ANKRD50: variants seen among roughly 807,000 people sequenced by gnomAD.
The protein encoded by ANKRD50 is ankyrin repeat domain-containing protein 50.
In ANKRD50, 40 loss-of-function variants were observed where a neutral mutation model predicts 112.0. The ratio of observed to expected loss-of-function variants is 0.36; its 90% CI spans 0.28 to 0.46. The LOEUF (loss-of-function observed/expected upper bound fraction) is 0.46, where lower values mean the gene tolerates loss of function less well. ANKRD50 is among the 20% of genes least tolerant of loss of function. The pLI is 1.00. For missense variants in ANKRD50, 1,487 were observed against 1,701.7 expected (o/e 0.87, Z 2.22); for synonymous variants, 613 against 619.1 (o/e 0.99, Z 0.15).
Position 124,672,540 on chromosome 4 carries a change from GA to G in ANKRD50, c.743-7del. 6.4e-7 allele frequency: 1 copy of G among 1,558,136 alleles called. No individual in the cohort carries two copies. The highest frequency in any genetic ancestry group is 8.7e-7 in the Non-Finnish European group (1 of 1,153,644). ...TAAACTTATTTTTCGAAAACCTAAA[GA>G]AGAGATAAAAAAGTAGATGTAATCA... is the stretch of plus-strand genomic sequence containing the variant. On this transcript the variant is annotated splice_region_variant and splice_polypyrimidine_tract_variant and intron_variant, in intron 3 of 4. Coordinates refer to ENST00000504087, the MANE Select transcript of ANKRD50 (RefSeq NM_020337.3).
chr4:124,682,313 A>G (rs903278472), intron 2 of ANKRD50, among the ~76,000 whole-genome samples: 2 of 127,296 alleles, frequency 1.6e-5, no homozygotes, highest in African/African-American at 6.3e-5. Context: ...ACAGAGCAAG[A>G]CTCCGTCTCA....
Position 124,665,476 on chromosome 4 carries a change from T to A in ANKRD50, c.*2042A>T, listed in dbSNP as rs1730465796. On this transcript the variant is annotated 3_prime_UTR_variant, in exon 5 of 5. Coordinates refer to ENST00000504087, the MANE Select transcript of ANKRD50 (RefSeq NM_020337.3). ...AATAATTCAAAGTTAATAGAAAAAC[T>A]GGCAGCTTTCAGGGTTCTCTTTCTA... is the stretch of plus-strand genomic sequence containing the variant. 1.3e-5 allele frequency: 2 copies of A among 152,272 alleles called. No homozygotes were observed. The highest frequency in any genetic ancestry group is 2.9e-5 in the Non-Finnish European group (2 of 67,892). The allele number at this position is 152,272 out of a possible 1,614,324, so 9.4% of individuals were successfully genotyped here.
At chr4:124,701,089 G>T (rs758081501) in intron 2 of ANKRD50, among the ~76,000 whole-genome samples, 4 of 152,040 alleles carry the variant, frequency 2.6e-5, no homozygotes, top group Non-Finnish European at 4.4e-5. Flanking sequence ...TCAGCCTCCC[G>T]AGTAGGTAGG....
Position 124,669,144 on chromosome 4 carries a change from C to T in ANKRD50, c.4133G>A (p.Arg1378Lys), listed in dbSNP as rs1485258182. The T allele has an allele frequency of 6.2e-7, 1 of 1,613,506 alleles. No homozygotes were observed. The highest frequency in any genetic ancestry group is 1.3e-5 in the African/African-American group (1 of 74,838). Reference sequence around the variant, plus strand: ...TTGCATTGTTCGTGGGACTGAAACCCTACCAAGAAAAACCTGGTTGCTCTG... The same window carrying T: ...TTGCATTGTTCGTGGGACTGAAACCTTACCAAGAAAAACCTGGTTGCTCTG... ...HLQSNQVFLGRVSVPRTMQDR... is the reference protein window; with the variant it reads ...HLQSNQVFLGKVSVPRTMQDR... The change falls in exon 4 of 5, where the codon AGG becomes AAG. Residue 1378 changes from arginine to lysine, a missense_variant. Around this residue, in one of 2 missense-constraint regions of ANKRD50, gnomAD observed 441 missense variants for 432.2 expected, o/e 1.02. Transcript: ENST00000504087.
rs1292820176 is a variant in ANKRD50, at chr4:124,669,634, T to C, written c.3643A>G (p.Thr1215Ala). Reference sequence around the variant, plus strand: ...AATGAATGCTGCTGAATTTGTTCTGTAAATGACAAGTTATGAAAGCTATCA... The same window carrying C: ...AATGAATGCTGCTGAATTTGTTCTGCAAATGACAAGTTATGAAAGCTATCA... ...PIDSFHNLSF[T>A]EQIQQHSLPR... Residue 1215 changes from threonine to alanine, a missense_variant, in exon 4 of 5, where the codon ACA (threonine) becomes GCA (alanine). Transcript: ENST00000504087. The C allele has an allele frequency of 6.2e-7, 1 of 1,613,488 alleles. No homozygotes were observed. The highest frequency in any genetic ancestry group is 8.5e-7 in the Non-Finnish European group (1 of 1,179,784).
chr4:124,680,536 G>C (rs537886332), intron 2 of ANKRD50, among the ~76,000 whole-genome samples: 14 of 152,222 alleles, frequency 9.2e-5, no homozygotes, highest in African/African-American at 3.4e-4. Flanking sequence ...ATCCTGGCAA[G>C]GAACATGCTG....
intron 3 of ANKRD50, among the ~76,000 whole-genome samples, chr4:124,675,312 A>T (rs539083063): frequency 6.6e-6 from 1 of 151,948 alleles, no homozygotes; most frequent in Admixed American, 6.6e-5. Flanking sequence ...GACCTGTGCC[A>T]ATATTTATAA....
intron 1 of ANKRD50, among the ~76,000 whole-genome samples, chr4:124,711,830 T>C (rs2110532661): frequency 6.6e-6 from 1 of 151,254 alleles, no homozygotes; most frequent in South Asian, 2.1e-4. Flanking sequence ...ACAAGTAAAA[T>C]GTGAATCCTT....
At chr4:124,694,979 T>C (rs1233198143) in intron 2 of ANKRD50, among the ~76,000 whole-genome samples, 1 of 152,128 alleles carries the variant, frequency 6.6e-6, no homozygotes, top group African/African-American at 2.4e-5. Context: ...AATTAATTTA[T>C]AAAACTGCCA....
At chr4:124,703,681 T>TC (rs1725444292) in intron 2 of ANKRD50, among the ~76,000 whole-genome samples, 2 of 151,790 alleles carry the variant, frequency 1.3e-5, no homozygotes, top group African/African-American at 4.8e-5. Flanking sequence ...TTTTTTTTTT[T>TC]CAAGAAAAAG....
At chr4:124,691,074 G>C (rs1213710499) in intron 2 of ANKRD50, among the ~76,000 whole-genome samples, 1 of 152,126 alleles carries the variant, frequency 6.6e-6, no homozygotes, top group East Asian at 1.9e-4. Context: ...GAAAGGACAA[G>C]GATAGAAAGA....
chr4:124,676,034 A>G (rs1259450873), intron 3 of ANKRD50, among the ~76,000 whole-genome samples: 2 of 151,798 alleles, frequency 1.3e-5, no homozygotes, highest in South Asian at 2.1e-4. Flanking sequence ...GGCTATGATG[A>G]TACACGTGCA....
At chr4:124,676,887 A>G (rs866385679) in intron 3 of ANKRD50, among the ~76,000 whole-genome samples, 4 of 151,832 alleles carry the variant, frequency 2.6e-5, no homozygotes, top group South Asian at 4.1e-4. Context: ...TCATGGAAAA[A>G]AGGCAAATTG....
chr4:124,676,855 A>T (rs1730785090), intron 3 of ANKRD50, among the ~76,000 whole-genome samples: 1 of 151,732 alleles, frequency 6.6e-6, no homozygotes, highest in South Asian at 2.1e-4. Context: ...CAATAAAAAC[A>T]TAAAGGTCAG....
At chr4:124,701,316 C>T (rs1333707536) in intron 2 of ANKRD50, among the ~76,000 whole-genome samples, 1 of 151,896 alleles carries the variant, frequency 6.6e-6, no homozygotes, top group African/African-American at 2.4e-5. Flanking sequence ...ATGACAAACA[C>T]CACTAGTAGA....
chr4:124,676,476 T>G (rs1730778213), intron 3 of ANKRD50, among the ~76,000 whole-genome samples: 1 of 151,598 alleles, frequency 6.6e-6, no homozygotes, highest in African/African-American at 2.4e-5. Context: ...ATGAATAGTT[T>G]AGAAATAGAG....
Position 124,671,762 on chromosome 4 carries a change from A to G in ANKRD50, c.1515T>C (p.Ala505=), listed in dbSNP as rs1178917361. The change falls in exon 4 of 5, where the codon GCT becomes GCC. Residue 505 remains alanine, a synonymous_variant. Coordinates refer to ENST00000504087, the MANE Select transcript of ANKRD50 (RefSeq NM_020337.3). ...EVLQLLVKAG[A]HVNSEDDRTS... The stretch of plus-strand genomic sequence containing the variant: ...TGCGATCGTCTTCACTGTTGACATG[A>G]GCCCCAGCTTTAACCAACAGCTGTA... The G allele has an allele frequency of 1.2e-6, 2 of 1,613,880 alleles. No individual in the cohort carries two copies. Among genetic ancestry groups the G allele is most frequent in the South Asian group, 2.2e-5 (2 of 91,082 alleles).
intron 3 of ANKRD50, among the ~76,000 whole-genome samples, chr4:124,674,696 T>C (rs563801666): frequency 1.3e-5 from 2 of 151,238 alleles, no homozygotes; most frequent in African/African-American, 2.4e-5. Context: ...GAGGAGGGAG[T>C]AGGGACATAG....
At chr4:124,698,378 A>G (rs1009248511) in intron 2 of ANKRD50, among the ~76,000 whole-genome samples, 4 of 151,402 alleles carry the variant, frequency 2.6e-5, no homozygotes, top group African/African-American at 9.7e-5. Context: ...TATATATGTT[A>G]TTTATTTTTA....
Sources: allele counts gnomAD v4.1 joint callset (sites outside exome capture counted in the v4.1 genomes callset), GRCh38; gene constraint gnomAD v4.1.1; regional missense constraint gnomAD v4.1.1; transcripts MANE v1.5; gene names NCBI Gene and HGNC (gene_info 2026-07-23, HGNC 2026-07-21).